SLC16A7: variants seen among roughly 807,000 people sequenced by gnomAD.
SLC16A7 encodes monocarboxylate transporter 2.
A neutral mutation model predicts 34.9 loss-of-function variants in SLC16A7; 33 were observed. That is an observed-to-expected ratio of 0.94 (90% CI 0.72 to 1.26). The LOEUF (loss-of-function observed/expected upper bound fraction) is 1.26, where lower values mean the gene tolerates loss of function less well. Among genes scored for constraint, SLC16A7 ranks in the 50% most tolerant of loss-of-function variants. The pLI is 0.00. For synonymous variants in SLC16A7, 201 were observed against 206.6 expected (o/e 0.97, Z 0.23); for missense variants, 573 against 578.1 (o/e 0.99, Z 0.09).
chr12:59,619,309 G>T (rs932671186), intron 1 of SLC16A7, among the ~76,000 whole-genome samples: 1 of 151,932 alleles, frequency 6.6e-6, no homozygotes, highest in Non-Finnish European at 1.5e-5. Flanking sequence ...AATCTTGGAG[G>T]TTATTTAGCC....
At chr12:59,600,016 A>G (rs910033765) in intron 1 of SLC16A7, among the ~76,000 whole-genome samples, 1 of 152,044 alleles carries the variant, frequency 6.6e-6, no homozygotes, top group Non-Finnish European at 1.5e-5. Context: ...CTGGGTTTTG[A>G]TTTTAGCTTT....
chr12:59,743,264 A>T (rs1830235319), intron 3 of SLC16A7, among the ~76,000 whole-genome samples: 2 of 152,218 alleles, frequency 1.3e-5, no homozygotes, highest in African/African-American at 4.8e-5. Flanking sequence ...TTTACCTATA[A>T]ATCAAAACAT....
intron 3 of SLC16A7, among the ~76,000 whole-genome samples, chr12:59,726,623 T>C (rs1412815473): frequency 1.3e-5 from 2 of 152,266 alleles, no homozygotes; most frequent in African/African-American, 4.8e-5. Context: ...GTGAGCAAGT[T>C]AGTAAATAAC....
intron 1 of SLC16A7, among the ~76,000 whole-genome samples, chr12:59,633,067 G>C (rs897961522): frequency 5.3e-5 from 8 of 151,962 alleles, no homozygotes; most frequent in South Asian, 2.1e-4. Context: ...TCATCCGGGG[G>C]TGGATATGAC....
At chr12:59,697,790 T>C (rs1267912708) in intron 2 of SLC16A7, among the ~76,000 whole-genome samples, 1 of 151,830 alleles carries the variant, frequency 6.6e-6, no homozygotes, top group Non-Finnish European at 1.5e-5. Context: ...TGTTTATCTT[T>C]GTTACAAAAC....
intron 2 of SLC16A7, among the ~76,000 whole-genome samples, chr12:59,673,179 A>G (rs1326876017): frequency 6.6e-6 from 1 of 152,210 alleles, no homozygotes; most frequent in African/African-American, 2.4e-5. Flanking sequence ...ATTTTGCTAC[A>G]TAATATTTCC....
intron 1 of SLC16A7, among the ~76,000 whole-genome samples, chr12:59,650,651 A>G (rs906091011): frequency 6.6e-6 from 1 of 152,130 alleles, no homozygotes; most frequent in African/African-American, 2.4e-5. Flanking sequence ...TTCAGTGAAT[A>G]TATCTATTCA....
intron 1 of SLC16A7, among the ~76,000 whole-genome samples, chr12:59,615,470 GT>G (rs1160162775): frequency 2.6e-5 from 4 of 151,300 alleles, no homozygotes; most frequent in African/African-American, 9.8e-5. Context: ...TTTACCTTTT[GT>G]TTTTTTTACA....
At chr12:59,724,552 T>C (rs914268140) in intron 3 of SLC16A7, among the ~76,000 whole-genome samples, 2 of 151,966 alleles carry the variant, frequency 1.3e-5, no homozygotes, top group African/African-American at 4.8e-5. Context: ...TTGGAAGTAA[T>C]ACCACAGATT....
chr12:59,750,270 G>C (rs1879364996), intron 3 of SLC16A7, among the ~76,000 whole-genome samples: 1 of 152,136 alleles, frequency 6.6e-6, no homozygotes, highest in Non-Finnish European at 1.5e-5. Flanking sequence ...TCATCAGAGT[G>C]AACAGGCCAC....
chr12:59,725,014 T>C (rs1488654512), intron 3 of SLC16A7, among the ~76,000 whole-genome samples: 1 of 151,924 alleles, frequency 6.6e-6, no homozygotes, highest in Non-Finnish European at 1.5e-5. Context: ...TGATATTCTT[T>C]ACCAAGGAAT....
At chr12:59,765,146 A>G (rs1054835607) in intron 3 of SLC16A7, among the ~76,000 whole-genome samples, 1 of 151,952 alleles carries the variant, frequency 6.6e-6, no homozygotes, top group Non-Finnish European at 1.5e-5. Flanking sequence ...AGAAGTGTCT[A>G]TTCATATCCT....
chr12:59,742,835 C>T (rs1878488963), intron 3 of SLC16A7, among the ~76,000 whole-genome samples: 1 of 152,084 alleles, frequency 6.6e-6, no homozygotes, highest in African/African-American at 2.4e-5. Flanking sequence ...CATGTTTTTC[C>T]TCTCTGTATA....
intron 3 of SLC16A7, among the ~76,000 whole-genome samples, chr12:59,741,440 G>A (rs1878328364): frequency 6.6e-6 from 1 of 152,152 alleles, no homozygotes; most frequent in South Asian, 2.1e-4. Flanking sequence ...GTGCTGGTTA[G>A]TCTTAGGAAT....
chr12:59,692,622 A>G (rs1271487580), intron 2 of SLC16A7, among the ~76,000 whole-genome samples: 1 of 151,996 alleles, frequency 6.6e-6, no homozygotes, highest in Admixed American at 6.6e-5. Context: ...AGATAATTAT[A>G]TACTGGTTTA....
intron 1 of SLC16A7, among the ~76,000 whole-genome samples, chr12:59,652,645 C>T (rs1391277741): frequency 6.6e-6 from 1 of 151,776 alleles, no homozygotes; most frequent in African/African-American, 2.4e-5. Context: ...CCTAGCCTTC[C>T]AAAGGCCTAG....
intron 3 of SLC16A7, among the ~76,000 whole-genome samples, chr12:59,718,627 G>T (rs1875200688): frequency 6.6e-6 from 1 of 152,162 alleles, no homozygotes; most frequent in Non-Finnish European, 1.5e-5. Context: ...CTATCTGGGT[G>T]AAGATGTCTT....
intron 2 of SLC16A7, among the ~76,000 whole-genome samples, chr12:59,694,210 T>C (rs1019403008): frequency 6.6e-6 from 1 of 151,916 alleles, no homozygotes; most frequent in African/African-American, 2.4e-5. Context: ...TTATGCCTAC[T>C]TGGACTTCAG....
chr12:59,598,813 C>A (rs1295439585), intron 1 of SLC16A7, among the ~76,000 whole-genome samples: 2 of 152,196 alleles, frequency 1.3e-5, no homozygotes. Context: ...CCAATCCACT[C>A]ACTCCTAAGA....
Sources: gnomAD v4.1 joint callset for allele counts (sites outside exome capture counted in the v4.1 genomes callset) on GRCh38, gnomAD v4.1.1 for gene constraint, MANE v1.5 for transcripts, NCBI Gene and HGNC (gene_info 2026-07-23, HGNC 2026-07-21) for gene names.